Variants in CDK5RAP2 observed in about 807,000 individuals in gnomAD.
The protein encoded by CDK5RAP2 is CDK5 regulatory subunit associated protein 2.
Under a neutral mutation model 232.9 loss-of-function variants are expected in CDK5RAP2, and 147 were observed. The observed-to-expected ratio is 0.63, with a 90% CI of 0.55 to 0.72. CDK5RAP2 has a LOEUF of 0.72. CDK5RAP2 is among the 30% of genes least tolerant of loss of function. The probability of loss-of-function intolerance (pLI) is 0.00; values close to 1 mark genes in which losing one functional copy is unlikely to be tolerated. For missense variants in CDK5RAP2, 2,195 were observed against 2,231.5 expected (o/e 0.98, Z 0.33); for synonymous variants, 833 against 833.7 (o/e 1.00, Z 0.01).
rs1564213855 is a variant in CDK5RAP2 at position 120,437,404 on chromosome 9, C to T, written c.3846G>A (p.Glu1282=). ...QHMNTMIKAF[E]ELLQASDVDY... ...CCACATCACTGGCCTGCAGCAACTC[C>T]TCAAATGCCTTAATCATGGTGTTCA... is the stretch of plus-strand genomic sequence containing the variant. Residue 1282 remains glutamate, a synonymous_variant, in exon 25 of 38, where the codon GAG becomes GAA. Coordinates refer to ENST00000349780, the MANE Select transcript of CDK5RAP2 (RefSeq NM_018249.6). 3.1e-6 allele frequency: 5 copies of T among 1,614,130 alleles called. No homozygotes were observed. The highest frequency in any genetic ancestry group is 4.2e-6 in the Non-Finnish European group (5 of 1,179,984).
At chr9:120,574,628 C>T (rs1006717839) in intron 1 of CDK5RAP2, among the ~76,000 whole-genome samples, 7 of 152,200 alleles carry the variant, frequency 4.6e-5, no homozygotes, top group African/African-American at 1.7e-4. Context: ...AAATAAAGCA[C>T]AATCTAAGAA....
intron 18 of CDK5RAP2, among the ~76,000 whole-genome samples, chr9:120,465,887 G>T (rs2037352679): frequency 6.6e-6 from 1 of 152,164 alleles, no homozygotes; most frequent in South Asian, 2.1e-4. Context: ...AGCAAGAACA[G>T]GAGACAAAGC....
chr9:120,411,970 GTC>G (rs2033877171), intron 28 of CDK5RAP2, among the ~76,000 whole-genome samples: 1 of 147,776 alleles, frequency 6.8e-6, no homozygotes, highest in African/African-American at 2.5e-5. Context: ...CCACTGCCCA[GTC>G]AAGCAATCAT....
At chr9:120,509,226 T>C (rs2039967796) in intron 12 of CDK5RAP2, among the ~76,000 whole-genome samples, 1 of 152,194 alleles carries the variant, frequency 6.6e-6, no homozygotes, top group South Asian at 2.1e-4. Context: ...AATTTATAGC[T>C]TTGGTGACTT....
At chr9:120,480,968 C>T (rs1159464966) in intron 14 of CDK5RAP2, among the ~76,000 whole-genome samples, 1 of 152,172 alleles carries the variant, frequency 6.6e-6, no homozygotes, top group Non-Finnish European at 1.5e-5. Flanking sequence ...TCTCAGCTCC[C>T]ACCTGCACAC....
At chr9:120,465,916 T>C (rs1342044401) in intron 18 of CDK5RAP2, among the ~76,000 whole-genome samples, 1 of 152,194 alleles carries the variant, frequency 6.6e-6, no homozygotes, top group Non-Finnish European at 1.5e-5. Flanking sequence ...AGGAGAGATG[T>C]GTGCATCCAC....
intron 14 of CDK5RAP2, among the ~76,000 whole-genome samples, chr9:120,479,364 T>C (rs2038187551): frequency 6.6e-6 from 1 of 152,112 alleles, no homozygotes; most frequent in African/African-American, 2.4e-5. Flanking sequence ...CTAAAACTAG[T>C]AGGTAAAAGT....
chr9:120,483,089 C>T (rs1487643448), intron 14 of CDK5RAP2, among the ~76,000 whole-genome samples: 1 of 152,154 alleles, frequency 6.6e-6, no homozygotes, highest in African/African-American at 2.4e-5. Flanking sequence ...CCTCTCCACC[C>T]AGCCCCTCCA....
chr9:120,432,110 C>G (rs1564207287), intron 25 of CDK5RAP2, among the ~76,000 whole-genome samples: 2 of 152,206 alleles, frequency 1.3e-5, no homozygotes, highest in Non-Finnish European at 2.9e-5. Flanking sequence ...CACAAAGATT[C>G]CAGTACAGTG....
In CDK5RAP2 at chr9:120,536,474, GTC is replaced by G. The variant is rs759709467; in HGVS notation, c.558_559del (p.Glu186AspfsTer32). ...CAAACGCAACCGAAGAGCCTTCTCC[GTC>G]TCTGTCCCTGCAAAGGCCTTTTCCA... is the stretch of plus-strand genomic sequence containing the variant. On this transcript the variant is annotated frameshift_variant, in exon 7 of 38. Coordinates refer to ENST00000349780, the MANE Select transcript of CDK5RAP2 (RefSeq NM_018249.6). LOFTEE classifies it high-confidence loss of function. 1.9e-6 allele frequency: 3 copies of G among 1,614,068 alleles called. No individual in the cohort carries two copies. Among genetic ancestry groups the G allele is most frequent in the Non-Finnish European group, 2.5e-6 (3 of 1,180,002 alleles).
intron 12 of CDK5RAP2, among the ~76,000 whole-genome samples, chr9:120,493,231 G>A (rs1419565756): frequency 6.6e-6 from 1 of 152,226 alleles, no homozygotes; most frequent in Non-Finnish European, 1.5e-5. Context: ...TTTTAGTCCA[G>A]TGGGACCCAT....
At chr9:120,418,505 T>TG (rs1339533481) in intron 27 of CDK5RAP2, among the ~76,000 whole-genome samples, 6 of 152,186 alleles carry the variant, frequency 3.9e-5, no homozygotes, top group African/African-American at 1.4e-4. Flanking sequence ...GAGTGGTCTC[T>TG]GGGGATTCCT....
intron 7 of CDK5RAP2, among the ~76,000 whole-genome samples, chr9:120,530,517 T>G (rs999499670): frequency 6.6e-6 from 1 of 152,216 alleles, no homozygotes; most frequent in African/African-American, 2.4e-5. Context: ...GAAGCAGAGC[T>G]GTTCCGATAA....
At chr9:120,493,668 A>G (rs544973535) in intron 12 of CDK5RAP2, among the ~76,000 whole-genome samples, 1 of 152,356 alleles carries the variant, frequency 6.6e-6, no homozygotes, top group Non-Finnish European at 1.5e-5. Flanking sequence ...GAAACAGTCA[A>G]CAGAGAAATA....
At chr9:120,443,388 A>G (rs2036005069) in intron 23 of CDK5RAP2, among the ~76,000 whole-genome samples, 1 of 152,218 alleles carries the variant, frequency 6.6e-6, no homozygotes, top group Non-Finnish European at 1.5e-5. Context: ...ATGCTGACAC[A>G]TGGACGGGTG....
In CDK5RAP2 at chr9:120,448,503, C is replaced by T. The variant is rs79804309; in HGVS notation, c.2794-377G>A. Among the ~76,000 whole-genome samples the T allele has an allele frequency of 6.1e-3, 936 of 152,326 alleles. 13 individuals carry two copies. Among genetic ancestry groups the T allele is most frequent in the African/African-American group, 0.022 (898 of 41,570 alleles). On this transcript the variant is annotated intron_variant, in intron 21 of 37. Transcript: ENST00000349780. ...CTAATCTGGTCTGGCCTATCAACCC[C>T]TGCTAGTCCCCCAGAACCACCCCTT...
At chr9:120,440,621 A>G (rs2035845313) in intron 23 of CDK5RAP2, among the ~76,000 whole-genome samples, 1 of 152,248 alleles carries the variant, frequency 6.6e-6, no homozygotes, top group South Asian at 2.1e-4. Flanking sequence ...GTGCTAAAGT[A>G]AAAATTTTAA....
chr9:120,477,621 G>C (rs995529446), intron 14 of CDK5RAP2, among the ~76,000 whole-genome samples, 171 bp from the exon 15 acceptor site: 1 of 152,190 alleles, frequency 6.6e-6, no homozygotes, highest in Admixed American at 6.5e-5. Flanking sequence ...ACCTTCAGGA[G>C]GAGTGGGGAA....
chr9:120,401,105 G>A, intron 34 of CDK5RAP2: 1 of 563,646 alleles, frequency 1.8e-6, no homozygotes, highest in Non-Finnish European at 3.2e-6. Context: ...CAATAACCAT[G>A]ATTAATAACC....
Sources: allele counts gnomAD v4.1 joint callset (sites outside exome capture counted in the v4.1 genomes callset), GRCh38; gene constraint gnomAD v4.1.1; transcripts MANE v1.5; gene names NCBI Gene and HGNC (gene_info 2026-07-23, HGNC 2026-07-21).